CLOCK: variants seen among roughly 807,000 people sequenced by gnomAD.
The protein encoded by CLOCK is circadian locomoter output cycles protein kaput.
Under a neutral mutation model 118.4 loss-of-function variants are expected in CLOCK, and 43 were observed. The ratio of observed to expected loss-of-function variants is 0.36; its 90% confidence interval spans 0.28 to 0.47. The LOEUF (loss-of-function observed/expected upper bound fraction) is 0.47. CLOCK is among the 20% of genes least tolerant of loss of function. The pLI is 1.00. For missense variants in CLOCK, 846 were observed against 999.9 expected (o/e 0.85, Z 2.08); for synonymous variants, 326 against 339.2 (o/e 0.96, Z 0.43).
At chr4:55,534,834 G>T (rs534927169) in intron 1 of CLOCK, among the ~76,000 whole-genome samples, 1 of 152,230 alleles carries the variant, frequency 6.6e-6, no homozygotes, top group African/African-American at 2.4e-5. Flanking sequence ...AAGGATCAAA[G>T]GACTCAATGT....
At chr4:55,530,107 GAC>G (rs35189584) in intron 1 of CLOCK, among the ~76,000 whole-genome samples, 51,247 of 151,868 alleles carry the variant, frequency 0.34, 9,310 homozygotes, top group East Asian at 0.58. Flanking sequence ...ACTGAAGGGA[GAC>G]ACTTGCATTT....
intron 1 of CLOCK, among the ~76,000 whole-genome samples, chr4:55,515,043 A>G (rs890435353): frequency 5.3e-5 from 8 of 152,198 alleles, no homozygotes; most frequent in Non-Finnish European, 1.0e-4. Context: ...AAGATTATAA[A>G]TAATTGTTGA....
At chr4:55,543,787 A>G (rs1187944690) in intron 1 of CLOCK, among the ~76,000 whole-genome samples, 1 of 152,194 alleles carries the variant, frequency 6.6e-6, no homozygotes, top group Non-Finnish European at 1.5e-5. Context: ...CAAAAAAAAA[A>G]AAAATTGAAA....
chr4:55,537,754 A>G (rs1275363288), intron 1 of CLOCK, among the ~76,000 whole-genome samples: 1 of 152,218 alleles, frequency 6.6e-6, no homozygotes, highest in Non-Finnish European at 1.5e-5. Context: ...TGATCACGAT[A>G]CTGTACTGCC....
chr4:55,496,278 A>AC (rs947713264), intron 2 of CLOCK, among the ~76,000 whole-genome samples: 2 of 136,710 alleles, frequency 1.5e-5, no homozygotes, highest in African/African-American at 5.0e-5. Flanking sequence ...AAAGAAAAAA[A>AC]AAACTGTGCC....
intron 9 of CLOCK, among the ~76,000 whole-genome samples, chr4:55,461,556 C>T (rs1036012237): frequency 3.3e-5 from 5 of 152,112 alleles, no homozygotes; most frequent in Non-Finnish European, 7.4e-5. Flanking sequence ...TTAACTGAAC[C>T]CTAGGAATGA....
At chr4:55,508,211 C>T (rs1728930919) in intron 2 of CLOCK, among the ~76,000 whole-genome samples, 1 of 152,142 alleles carries the variant, frequency 6.6e-6, no homozygotes, top group Admixed American at 6.5e-5. Context: ...AGTCAGTCAT[C>T]AACTAATCTT....
chr4:55,505,481 T>C (rs1361396192), intron 2 of CLOCK, among the ~76,000 whole-genome samples: 3 of 151,770 alleles, frequency 2.0e-5, no homozygotes, highest in Non-Finnish European at 4.4e-5. Context: ...CTGGGCAACA[T>C]GGCAAAACCC....
intron 11 of CLOCK, among the ~76,000 whole-genome samples, chr4:55,458,271 A>G (rs1462729049): frequency 6.6e-6 from 1 of 152,114 alleles, no homozygotes; most frequent in African/African-American, 2.4e-5. Flanking sequence ...CACGTTGCCC[A>G]GGCTGGTCTC....
At chr4:55,436,280 A>G (rs189464182) in intron 22 of CLOCK, among the ~76,000 whole-genome samples, 17 of 152,204 alleles carry the variant, frequency 1.1e-4, no homozygotes, top group Non-Finnish European at 2.2e-4. Context: ...AAGACAGACA[A>G]ACAAAACAAA....
chr4:55,496,491 T>C (rs540575893), intron 2 of CLOCK, among the ~76,000 whole-genome samples: 16 of 152,348 alleles, frequency 1.1e-4, no homozygotes, highest in South Asian at 6.2e-4. Context: ...CACTGAGTCC[T>C]TTATACACTT....
At chr4:55,436,013 C>T (rs1722851178) in intron 22 of CLOCK, among the ~76,000 whole-genome samples, 1 of 152,132 alleles carries the variant, frequency 6.6e-6, no homozygotes, top group Non-Finnish European at 1.5e-5. Flanking sequence ...TAGAGCGGCA[C>T]AGTTAAGTGG....
At chr4:55,490,761 T>C (rs193120308) in intron 2 of CLOCK, among the ~76,000 whole-genome samples, 23 of 152,338 alleles carry the variant, frequency 1.5e-4, no homozygotes, top group Admixed American at 1.2e-3. Flanking sequence ...TTTTATTCTC[T>C]GAATATTTTT....
intron 14 of CLOCK, 33 bp downstream of exon 14, chr4:55,453,644 A>G (rs1442278329): frequency 1.9e-6 from 3 of 1,587,292 alleles, no homozygotes; most frequent in Non-Finnish European, 2.6e-6. Context: ...AGGATGTTAC[A>G]GTAATTCAGA....
intron 3 of CLOCK, among the ~76,000 whole-genome samples, chr4:55,487,729 T>G (rs1204649834): frequency 6.6e-6 from 1 of 152,168 alleles, no homozygotes; most frequent in East Asian, 1.9e-4. Context: ...CCACCATCAC[T>G]CCTATTTCCA....
chr4:55,520,969 A>G (rs1729813387), intron 1 of CLOCK, among the ~76,000 whole-genome samples: 1 of 152,200 alleles, frequency 6.6e-6, no homozygotes, highest in Non-Finnish European at 1.5e-5. Flanking sequence ...ATCTCTTTCA[A>G]GTCTCTCATG....
chr4:55,453,898 C>A, intron 13 of CLOCK, 74 bp from the exon 14 acceptor site: 3 of 1,135,232 alleles, frequency 2.6e-6, no homozygotes, highest in Non-Finnish European at 3.8e-6. Context: ...CAAAAGCTAT[C>A]ATTTACATTT....
rs375692434 is a variant in CLOCK, at chr4:55,494,979, G to GC, written c.-135-5515dup. Among the ~76,000 whole-genome samples, 522 of 152,266 alleles carry GC rather than the reference G, an allele frequency of 3.4e-3. 2 individuals are homozygous for GC. Among genetic ancestry groups the GC allele is most frequent in the African/African-American group, 0.011 (477 of 41,552 alleles). ...TAAGTTTGTGGTTATTTGTATGGTAGCAACAGAAAACTATACAGAATCCGG... is the reference window on the plus strand; with the variant it reads ...TAAGTTTGTGGTTATTTGTATGGTAGCCAACAGAAAACTATACAGAATCCGG... On this transcript the variant is annotated intron_variant, in intron 2 of 22. Coordinates refer to ENST00000513440, the MANE Select transcript of CLOCK (RefSeq NM_004898.4).
chr4:55,486,056 C>T (rs1019855175), intron 3 of CLOCK, among the ~76,000 whole-genome samples: 2 of 152,152 alleles, frequency 1.3e-5, no homozygotes, highest in African/African-American at 4.8e-5. Context: ...TTTATTCATA[C>T]ACATGCACAT....
Sources: allele counts gnomAD v4.1 joint callset (sites outside exome capture counted in the v4.1 genomes callset), GRCh38; gene constraint gnomAD v4.1.1; transcripts MANE v1.5; gene names NCBI Gene and HGNC (gene_info 2026-07-23, HGNC 2026-07-21).